The following FHIP1A variants were observed in gnomAD, a reference collection of about 807,000 sequenced individuals.
The protein encoded by FHIP1A is FHF complex subunit HOOK interacting protein 1A.
A neutral mutation model predicts 88.6 loss-of-function variants in FHIP1A; 61 were observed. The ratio of observed to expected loss-of-function variants is 0.69; its 90% CI spans 0.56 to 0.85. FHIP1A has a LOEUF of 0.85. Among genes scored for constraint, FHIP1A ranks in the 40% least tolerant of loss-of-function variants. FHIP1A has a pLI of 0.00. For missense variants in FHIP1A, 1,154 were observed against 1,273.5 expected (o/e 0.91, Z 1.43); for synonymous variants, 478 against 496.0 (o/e 0.96, Z 0.48).
chr4:151,637,785 C>T (rs1486929514), intron 8 of FHIP1A, among the ~76,000 whole-genome samples: 2 of 152,142 alleles, frequency 1.3e-5, no homozygotes, highest in African/African-American at 2.4e-5. Context: ...TTCTAGCTAA[C>T]GACAAGTATA....
chr4:151,574,502 C>T (rs1416478348), intron 4 of FHIP1A, among the ~76,000 whole-genome samples: 1 of 151,926 alleles, frequency 6.6e-6, no homozygotes, highest in African/African-American at 2.4e-5. Flanking sequence ...TTCATATTTG[C>T]ATGCACATAT....
chr4:151,535,830 A>G (rs1037507301), intron 3 of FHIP1A, among the ~76,000 whole-genome samples: 1 of 152,214 alleles, frequency 6.6e-6, no homozygotes, highest in Admixed American at 6.5e-5. Context: ...TATTTTGATG[A>G]CTAGGTAGAA....
intron 2 of FHIP1A, among the ~76,000 whole-genome samples, chr4:151,460,223 A>G (rs1312172625): frequency 6.6e-6 from 1 of 152,194 alleles, no homozygotes; most frequent in Non-Finnish European, 1.5e-5. Context: ...CCTGCGTTAA[A>G]GGTCTTCCTG....
At chr4:151,608,609 C>T (rs566052217) in intron 7 of FHIP1A, among the ~76,000 whole-genome samples, 1 of 152,262 alleles carries the variant, frequency 6.6e-6, no homozygotes, top group East Asian at 1.9e-4. Context: ...TGATCTATGC[C>T]CTTGTGCCGG....
intron 3 of FHIP1A, among the ~76,000 whole-genome samples, chr4:151,504,022 T>C (rs1316793678): frequency 6.6e-6 from 1 of 152,268 alleles, no homozygotes; most frequent in African/African-American, 2.4e-5. Flanking sequence ...TATATGGTCA[T>C]ATTTGTACAA....
Position 151,665,149 on chromosome 4 carries a change from G to T in FHIP1A, c.*2395G>T, listed in dbSNP as rs1304378784. On this transcript the variant is annotated 3_prime_UTR_variant, in exon 14 of 14. Coordinates refer to ENST00000435205, the MANE Select transcript of FHIP1A (RefSeq NM_001109977.3). Reference sequence around the variant, plus strand: ...GCCACCACACCCAGCTAACTTTTTGGTATAGTTTGTAGAGATGGGGTTTCA... The same window carrying T: ...GCCACCACACCCAGCTAACTTTTTGTTATAGTTTGTAGAGATGGGGTTTCA... Among the ~76,000 whole-genome samples, 1 of 151,956 alleles carries T rather than the reference G, an allele frequency of 6.6e-6. No homozygotes were observed. Among genetic ancestry groups the T allele is most frequent in the Admixed American group, 6.6e-5 (1 of 15,240 alleles).
intron 1 of FHIP1A, among the ~76,000 whole-genome samples, chr4:151,411,343 A>ATTCTTTTTATTTTT (rs370374898): frequency 8.9e-6 from 1 of 112,180 alleles, no homozygotes; most frequent in Non-Finnish European, 1.8e-5. Flanking sequence ...GTGAAATTAT[A>ATTCTTTTTATTTTT]TATATATTTT....
intron 3 of FHIP1A, among the ~76,000 whole-genome samples, chr4:151,554,915 T>G (rs1732886358): frequency 1.3e-5 from 2 of 152,236 alleles, no homozygotes; most frequent in African/African-American, 4.8e-5. Context: ...TTTGCTTTTT[T>G]AAGACTTCCA....
chr4:151,530,762 A>T lies in FHIP1A; in HGVS notation c.-122-35376A>T, dbSNP rs141292226. Among the ~76,000 whole-genome samples, 3 of 152,304 alleles carry T rather than the reference A, an allele frequency of 2.0e-5. No individual in the cohort carries two copies. In the East Asian group the frequency reaches 5.8e-4, roughly 29 times the overall value. The stretch of plus-strand genomic sequence containing the variant: ...TTTTGGAGCAGCCAGACAGACCTGA[A>T]TTTAATTCTCTGCTCTGAAACATTC... On this transcript the variant is annotated intron_variant, in intron 3 of 13. Coordinates refer to ENST00000435205, the MANE Select transcript of FHIP1A (RefSeq NM_001109977.3).
intron 7 of FHIP1A, among the ~76,000 whole-genome samples, chr4:151,618,851 G>A (rs1735638832): frequency 6.6e-6 from 1 of 152,188 alleles, no homozygotes. Flanking sequence ...ACTCCATGAT[G>A]TTTTTCTCTT....
intron 1 of FHIP1A, among the ~76,000 whole-genome samples, chr4:151,446,462 TTTCCTTTTCCC>T (rs1366719910): frequency 1.4e-5 from 2 of 147,226 alleles, no homozygotes; most frequent in African/African-American, 5.0e-5. Context: ...TTTCCTTTCC[TTTCCTTTTCCC>T]TTTCCTTTTC....
At chr4:151,492,449 G>C (rs1176226236) in intron 3 of FHIP1A, among the ~76,000 whole-genome samples, 1 of 151,888 alleles carries the variant, frequency 6.6e-6, no homozygotes. Flanking sequence ...AAAATTAGCT[G>C]GGTGTTGTGG....
rs534737598 is a variant in FHIP1A at position 151,618,999 on chromosome 4, G to A, written c.979-10703G>A. ...GGTAGAAGGTTATGAACCCCAGATT[G>A]GAGAAAGGATGGCCTGGCTTTGATG... On this transcript the variant is annotated intron_variant, in intron 7 of 13. Transcript: ENST00000435205. 4.0e-4 allele frequency among the ~76,000 whole-genome samples: 61 copies of A among 152,302 alleles called. No individual in the cohort carries two copies. In the South Asian group the frequency reaches 0.012, roughly 30 times the overall value.
intron 7 of FHIP1A, among the ~76,000 whole-genome samples, chr4:151,612,171 C>T (rs1389991623): frequency 6.6e-6 from 1 of 152,210 alleles, no homozygotes; most frequent in African/African-American, 2.4e-5. Flanking sequence ...AGTATCATCT[C>T]TTTCCATTAG....
At chr4:151,578,196 G>A in intron 5 of FHIP1A, 120 bp downstream of exon 5, 1 of 900,554 alleles carries the variant, frequency 1.1e-6, no homozygotes, top group Non-Finnish European at 1.6e-6. Flanking sequence ...CACTTCCTAT[G>A]GAAGGATGTT....
chr4:151,469,872 G>A, intron 2 of FHIP1A, among the ~76,000 whole-genome samples: 1 of 152,086 alleles, frequency 6.6e-6, no homozygotes. Context: ...ATTGCCAGCT[G>A]GTGGCATCAC....
intron 3 of FHIP1A, among the ~76,000 whole-genome samples, chr4:151,513,612 A>G (rs1580653468): frequency 6.6e-6 from 1 of 152,032 alleles, no homozygotes; most frequent in South Asian, 2.1e-4. Flanking sequence ...AGGAAGATCT[A>G]CCAAGCCAAT....
At chr4:151,537,370 A>G (rs1156484739) in intron 3 of FHIP1A, among the ~76,000 whole-genome samples, 1 of 152,110 alleles carries the variant, frequency 6.6e-6, no homozygotes, top group South Asian at 2.1e-4. Context: ...AATAGCTAGT[A>G]ATGTTGAACT....
At chr4:151,468,727 T>TGGCC (rs1729411637) in intron 2 of FHIP1A, among the ~76,000 whole-genome samples, 1 of 152,244 alleles carries the variant, frequency 6.6e-6, no homozygotes, top group Non-Finnish European at 1.5e-5. Flanking sequence ...GAAGTGATTT[T>TGGCC]CTGCTTAACT....
Sources: gnomAD v4.1 joint callset for allele counts (sites outside exome capture counted in the v4.1 genomes callset) on GRCh38, gnomAD v4.1.1 for gene constraint, MANE v1.5 for transcripts, NCBI Gene and HGNC (gene_info 2026-07-23, HGNC 2026-07-21) for gene names.